The following BANK1 variants were observed in gnomAD, a reference collection of about 807,000 sequenced individuals.
BANK1 encodes the protein B cell scaffold protein with ankyrin repeats 1.
Under a neutral mutation model 94.5 loss-of-function variants are expected in BANK1, and 95 were observed. The ratio of observed to expected loss-of-function variants is 1.00; its 90% CI spans 0.85 to 1.19. BANK1 has a LOEUF of 1.19. Ranked by LOEUF, BANK1 falls within the 50% of genes most tolerant of loss-of-function variation. BANK1 has a pLI of 0.00. For missense variants in BANK1, 987 were observed against 932.2 expected (o/e 1.06, Z -0.77); for synonymous variants, 334 against 308.4 (o/e 1.08, Z -0.87).
intron 5 of BANK1, among the ~76,000 whole-genome samples, chr4:101,876,066 GC>G (rs1728479299): frequency 6.6e-6 from 1 of 152,168 alleles, no homozygotes; most frequent in Non-Finnish European, 1.5e-5. Flanking sequence ...TACCAGCTCA[GC>G]CGCAACAGGA....
intron 10 of BANK1, among the ~76,000 whole-genome samples, chr4:102,033,198 G>A (rs190635013): frequency 2.0e-5 from 3 of 152,198 alleles, no homozygotes; most frequent in South Asian, 2.1e-4. Flanking sequence ...TTTCCGTCTC[G>A]TATGTAATTC....
At chr4:102,073,822 C>T in intron 16 of BANK1, 74 bp downstream of exon 16, 1 of 1,193,710 alleles carries the variant, frequency 8.4e-7, no homozygotes, top group Non-Finnish European at 1.2e-6. Context: ...TATCATTTGT[C>T]TAAAAAACAG....
intron 11 of BANK1, among the ~76,000 whole-genome samples, chr4:102,044,717 T>C (rs377058112): frequency 1.2e-5 from 1 of 80,432 alleles, no homozygotes; most frequent in Non-Finnish European, 2.5e-5. Flanking sequence ...TTTTAATGAT[T>C]GCCATTCTAA....
intron 7 of BANK1, among the ~76,000 whole-genome samples, chr4:101,929,536 C>G (rs566019521): frequency 6.6e-6 from 1 of 151,432 alleles, no homozygotes; most frequent in African/African-American, 2.4e-5. Flanking sequence ...GCTTTCAAAA[C>G]GAATGTAGGA....
At chr4:101,979,002 G>A (rs1277597331) in intron 7 of BANK1, among the ~76,000 whole-genome samples, 1 of 152,006 alleles carries the variant, frequency 6.6e-6, no homozygotes, top group East Asian at 1.9e-4. Context: ...AATAACACAT[G>A]ACTTTTGCAT....
chr4:101,878,495 A>G (rs1728569382), intron 5 of BANK1, among the ~76,000 whole-genome samples: 1 of 152,220 alleles, frequency 6.6e-6, no homozygotes, highest in African/African-American at 2.4e-5. Flanking sequence ...ATAGTCCTCA[A>G]TATAATAATA....
Position 101,790,860 on chromosome 4 carries a change from C to T in BANK1, c.-21C>T, listed in dbSNP as rs1371954066. 5 of 1,536,696 alleles carry T rather than the reference C, an allele frequency of 3.3e-6. No homozygotes were observed. The highest frequency in any genetic ancestry group is 4.4e-6 in the Non-Finnish European group (5 of 1,145,978). On this transcript the variant is annotated 5_prime_UTR_variant, in exon 1 of 17. Transcript: ENST00000322953. ...GCTCGGCGGGCAGCAGTGCGCAGGC[C>T]CCTCGGCTTCAACCGCCACAATGCT...
intron 5 of BANK1, among the ~76,000 whole-genome samples, chr4:101,884,830 G>A (rs1728791243): frequency 6.6e-6 from 1 of 151,926 alleles, no homozygotes. Flanking sequence ...TCTCCTTATT[G>A]GTCCTCCACC....
At chr4:101,954,889 T>C (rs1485827917) in intron 7 of BANK1, among the ~76,000 whole-genome samples, 1 of 152,216 alleles carries the variant, frequency 6.6e-6, no homozygotes, top group African/African-American at 2.4e-5. Flanking sequence ...AGGAACATTT[T>C]CCAAATTTTT....
intron 7 of BANK1, among the ~76,000 whole-genome samples, chr4:102,013,487 C>G (rs888132597): frequency 4.6e-5 from 7 of 151,970 alleles, no homozygotes; most frequent in Non-Finnish European, 7.4e-5. Flanking sequence ...TGTCCCCAAC[C>G]CTGCTGACAT....
intron 2 of BANK1, 56 bp from the exon 3 acceptor site, chr4:101,854,979 A>G: frequency 7.3e-7 from 1 of 1,368,992 alleles, no homozygotes; most frequent in South Asian, 1.4e-5. Flanking sequence ...ATAGCAATGG[A>G]GGAAATACTG....
At chr4:101,810,560 T>C (rs1380735782) in intron 1 of BANK1, among the ~76,000 whole-genome samples, 1 of 152,204 alleles carries the variant, frequency 6.6e-6, no homozygotes, top group Non-Finnish European at 1.5e-5. Flanking sequence ...GATATATATT[T>C]ATACATTATT....
At chr4:101,811,176 C>T (rs1400456505) in intron 1 of BANK1, among the ~76,000 whole-genome samples, 2 of 152,132 alleles carry the variant, frequency 1.3e-5, no homozygotes, top group East Asian at 3.9e-4. Context: ...AATAAGGCCC[C>T]ATTCCAACCC....
chr4:101,969,591 A>T (rs1040054933), intron 7 of BANK1, among the ~76,000 whole-genome samples: 3 of 147,828 alleles, frequency 2.0e-5, no homozygotes, highest in African/African-American at 7.6e-5. Context: ...GTTTCTTTGT[A>T]AAAAAAAAAG....
At position 101,918,032 on chromosome 4, in the gene BANK1, C is replaced by T. The variant is rs775620263; in HGVS notation, c.1049C>T (p.Ala350Val). 2 of 1,611,320 alleles carry T rather than the reference C, an allele frequency of 1.2e-6. No homozygotes were observed. Among genetic ancestry groups the T allele is most frequent in the South Asian group, 1.1e-5 (1 of 90,864 alleles). The change falls in exon 7 of 17, where the codon GCA becomes GTA. Residue 350 changes from alanine to valine, a missense_variant. Ala to Val is a moderately conservative substitution (Grantham distance 64). Coordinates refer to ENST00000322953, the MANE Select transcript of BANK1 (RefSeq NM_017935.5). Reference protein sequence around the residue: ...FKELPTLLHCAAKFGLKNLAI... With the variant: ...FKELPTLLHCVAKFGLKNLAI... ...GAACTTCCAACTCTTCTCCACTGTG[C>T]AGCAAAATTTGGCTTAAAGAACCTG...
At chr4:101,859,567 G>A (rs4426778) in intron 3 of BANK1, among the ~76,000 whole-genome samples, 83,056 of 152,016 alleles carry the variant, frequency 0.55, 24,016 homozygotes, top group African/African-American at 0.74. Context: ...CAATAGCTTC[G>A]TAAGTGGTAA....
chr4:101,811,736 G>A (rs1022578335), intron 1 of BANK1, among the ~76,000 whole-genome samples: 5 of 151,996 alleles, frequency 3.3e-5, no homozygotes, highest in Middle Eastern at 3.2e-3. Flanking sequence ...TCTGCACTTT[G>A]TGATACTTAA....
intron 1 of BANK1, among the ~76,000 whole-genome samples, chr4:101,818,872 AT>A (rs70964193): frequency 0.28 from 38,245 of 136,068 alleles, 4,984 homozygotes; most frequent in Non-Finnish European, 0.31. Context: ...AGATTACTGT[AT>A]TTTTTTTTTT....
rs186811612 is a variant in BANK1, at chr4:101,818,731, A to G, written c.71-11077A>G. On this transcript the variant is annotated intron_variant, in intron 1 of 16. Transcript: ENST00000322953. ...TTGTTGCTATGCTCCTACCGTGCCT[A>G]CTTTATAAATTAAACTTTATCATAG... 9.2e-5 allele frequency among the ~76,000 whole-genome samples: 14 copies of G among 152,234 alleles called. No individual in the cohort carries two copies. The South Asian group carries it at 2.1e-3, about 23-fold the overall frequency.
Sources: allele counts gnomAD v4.1 joint callset (sites outside exome capture counted in the v4.1 genomes callset), GRCh38; gene constraint gnomAD v4.1.1; transcripts MANE v1.5; gene names NCBI Gene and HGNC (gene_info 2026-07-23, HGNC 2026-07-21).